RABGAP1L: variants seen among roughly 807,000 people sequenced by gnomAD.
RABGAP1L encodes rab GTPase-activating protein 1-like.
In RABGAP1L, 63 loss-of-function variants were observed where a neutral mutation model predicts 137.7. The ratio of observed to expected loss-of-function variants is 0.46; its 90% confidence interval spans 0.37 to 0.56. RABGAP1L has a LOEUF of 0.56. RABGAP1L is among the 20% of genes least tolerant of loss of function. The pLI is 0.00. For missense variants in RABGAP1L, 1,095 were observed against 1,244.0 expected (o/e 0.88, Z 1.80); for synonymous variants, 431 against 433.7 (o/e 0.99, Z 0.08).
chr1:174,697,035 T>C (rs1380784602), intron 15 of RABGAP1L, among the ~76,000 whole-genome samples: 1 of 152,198 alleles, frequency 6.6e-6, no homozygotes, highest in African/African-American at 2.4e-5. Context: ...TGCATCCTTA[T>C]GAAACTCAAG....
intron 13 of RABGAP1L, among the ~76,000 whole-genome samples, chr1:174,585,859 T>A (rs1669073069): frequency 9.2e-5 from 14 of 152,178 alleles, no homozygotes. Context: ...AAGGAAGTAG[T>A]GTATCATGTG....
At chr1:174,218,350 T>C (rs1194220124) in intron 1 of RABGAP1L, among the ~76,000 whole-genome samples, 1 of 152,174 alleles carries the variant, frequency 6.6e-6, no homozygotes, top group African/African-American at 2.4e-5. Context: ...TTCACTTAGG[T>C]AACCTCAGGG....
Position 174,292,635 on chromosome 1 carries a change from T to G in RABGAP1L, c.1324-12351T>G, listed in dbSNP as rs77771094. ...AGTATACTCTATATGATTTGAATTC[T>G]TTTAAACTGTTCAGACTTATTTTAT... On this transcript the variant is annotated intron_variant, in intron 10 of 25. Transcript: ENST00000681986. Among the ~76,000 whole-genome samples the G allele has an allele frequency of 2.0e-5, 3 of 152,268 alleles. No individual in the cohort carries two copies. The East Asian group carries it at 5.8e-4, about 29-fold the overall frequency.
intron 19 of RABGAP1L, among the ~76,000 whole-genome samples, chr1:174,824,079 C>A (rs1471858419): frequency 6.6e-6 from 1 of 152,100 alleles, no homozygotes; most frequent in Non-Finnish European, 1.5e-5. Context: ...CACCTAAGGT[C>A]AGGAGTTCGA....
chr1:174,606,558 A>G (rs1670810336), intron 13 of RABGAP1L, among the ~76,000 whole-genome samples: 1 of 152,242 alleles, frequency 6.6e-6, no homozygotes, highest in African/African-American at 2.4e-5. Flanking sequence ...CAGTGTTGAC[A>G]AAGCAGACAT....
At chr1:174,276,628 T>C (rs1436725933) in intron 9 of RABGAP1L, among the ~76,000 whole-genome samples, 5 of 152,178 alleles carry the variant, frequency 3.3e-5, no homozygotes, top group African/African-American at 4.8e-5. Flanking sequence ...AGTTTACTTA[T>C]AGTTTTTCAT....
intron 13 of RABGAP1L, among the ~76,000 whole-genome samples, chr1:174,587,902 C>T (rs531829726): frequency 1.3e-5 from 2 of 152,274 alleles, no homozygotes; most frequent in South Asian, 2.1e-4. Flanking sequence ...GTCACTTTGT[C>T]ACCCAGACTG....
intron 17 of RABGAP1L, among the ~76,000 whole-genome samples, chr1:174,737,425 A>G (rs959584710): frequency 2.6e-5 from 4 of 152,148 alleles, no homozygotes; most frequent in Admixed American, 6.5e-5. Flanking sequence ...CCTCATTTTC[A>G]TCTGAGACAT....
chr1:174,674,084 C>CT (rs970007017), intron 14 of RABGAP1L, among the ~76,000 whole-genome samples: 1 of 117,440 alleles, frequency 8.5e-6, no homozygotes, highest in Non-Finnish European at 1.8e-5. Flanking sequence ...TTTTTTTTTT[C>CT]TTTTTTTAAA....
intron 13 of RABGAP1L, among the ~76,000 whole-genome samples, chr1:174,460,500 A>G (rs1656558295): frequency 1.3e-5 from 2 of 152,046 alleles, no homozygotes; most frequent in African/African-American, 4.8e-5. Flanking sequence ...ATATTATTGC[A>G]TATTGTTTAT....
chr1:174,975,357 C>G (rs1441042673), intron 21 of RABGAP1L, among the ~76,000 whole-genome samples: 3 of 152,184 alleles, frequency 2.0e-5, no homozygotes, highest in Admixed American at 2.0e-4. Flanking sequence ...GCCATGTGAA[C>G]TTGAAGCCGA....
At chr1:174,829,715 G>A (rs970189844) in intron 19 of RABGAP1L, among the ~76,000 whole-genome samples, 3 of 148,592 alleles carry the variant, frequency 2.0e-5, no homozygotes, top group Non-Finnish European at 4.5e-5. Context: ...GATTGCTAAT[G>A]TAATTACTAA....
chr1:174,650,041 G>T (rs1262553938), intron 14 of RABGAP1L, among the ~76,000 whole-genome samples: 2 of 152,140 alleles, frequency 1.3e-5, no homozygotes, highest in Non-Finnish European at 1.5e-5. Flanking sequence ...TTTTTAGCAT[G>T]AAGTGTTGTT....
At chr1:174,176,511 A>C (rs1665863854) in intron 1 of RABGAP1L, among the ~76,000 whole-genome samples, 1 of 149,952 alleles carries the variant, frequency 6.7e-6, no homozygotes, top group South Asian at 2.1e-4. Context: ...GGAGTTCAAG[A>C]TTAGCCTGGG....
chr1:174,443,827 T>A (rs1654425506), intron 13 of RABGAP1L, among the ~76,000 whole-genome samples: 1 of 152,130 alleles, frequency 6.6e-6, no homozygotes, highest in Admixed American at 6.5e-5. Flanking sequence ...TACCTTTAAG[T>A]TTTTAATCAA....
In RABGAP1L at chr1:174,328,949, C is replaced by T. The variant is rs115902863; in HGVS notation, c.1465+23822C>T. 9.4e-3 allele frequency among the ~76,000 whole-genome samples: 1,414 copies of T among 150,326 alleles called. 27 individuals carry two copies. The highest frequency in any genetic ancestry group is 0.033 in the African/African-American group (1,355 of 40,854). Reference sequence around the variant, plus strand: ...CCTCAAGGAACTAGGAAAACTAACACGTCTCAAGGAACTAGGAAAACAAAA... The same window carrying T: ...CCTCAAGGAACTAGGAAAACTAACATGTCTCAAGGAACTAGGAAAACAAAA... On this transcript the variant is annotated intron_variant, in intron 11 of 25. Coordinates refer to ENST00000681986, the MANE Select transcript of RABGAP1L (RefSeq NM_001366446.1).
At chr1:174,391,643 A>G (rs771827148) in intron 12 of RABGAP1L, among the ~76,000 whole-genome samples, 1 of 152,174 alleles carries the variant, frequency 6.6e-6, no homozygotes, top group Non-Finnish European at 1.5e-5. Flanking sequence ...TGCCCAGCCA[A>G]GAAAGGATTC....
intron 14 of RABGAP1L, among the ~76,000 whole-genome samples, chr1:174,682,627 C>T (rs1678167836): frequency 6.6e-6 from 1 of 152,158 alleles, no homozygotes; most frequent in African/African-American, 2.4e-5. Flanking sequence ...CTGATTCAGC[C>T]TCAAAAACTA....
intron 24 of RABGAP1L, among the ~76,000 whole-genome samples, chr1:174,987,937 G>A (rs1168679158): frequency 6.6e-6 from 1 of 152,164 alleles, no homozygotes. Context: ...AGCCTCCCGA[G>A]TAGCTGGGAC....
Sources: gnomAD v4.1 joint callset for allele counts (sites outside exome capture counted in the v4.1 genomes callset) on GRCh38, gnomAD v4.1.1 for gene constraint, MANE v1.5 for transcripts, NCBI Gene and HGNC (gene_info 2026-07-23, HGNC 2026-07-21) for gene names.